Variants in XKR4 observed in about 807,000 individuals in gnomAD.
The protein encoded by XKR4 is XK related 4.
In XKR4, 12 loss-of-function variants were observed where a neutral mutation model predicts 53.9. The ratio of observed to expected loss-of-function variants is 0.22; its 90% CI spans 0.14 to 0.36. The LOEUF is 0.36. Ranked by LOEUF, XKR4 falls within the 10% of genes least tolerant of loss-of-function variation. The probability of loss-of-function intolerance (pLI) is 1.00; values close to 1 mark genes in which losing one functional copy is unlikely to be tolerated. For synonymous variants in XKR4, 354 were observed against 362.4 expected, an observed-to-expected ratio of 0.98 and a Z score of 0.26; for missense variants, 799 against 859.5, an observed-to-expected ratio of 0.93 and a Z score of 0.88.
chr8:55,368,536 C>A (rs1179931611), intron 2 of XKR4, among the ~76,000 whole-genome samples: 2 of 152,178 alleles, frequency 1.3e-5, no homozygotes, highest in Non-Finnish European at 2.9e-5. Flanking sequence ...TCATCCCTTT[C>A]CAATCAGGAT....
At chr8:55,147,021 A>G (rs1816779865) in intron 1 of XKR4, among the ~76,000 whole-genome samples, 2 of 152,248 alleles carry the variant, frequency 1.3e-5, no homozygotes. Flanking sequence ...GTTTTTGAAA[A>G]TAATTTGGGC....
At chr8:55,257,827 C>A (rs1818462175) in intron 1 of XKR4, among the ~76,000 whole-genome samples, 1 of 152,172 alleles carries the variant, frequency 6.6e-6, no homozygotes, top group Admixed American at 6.5e-5. Context: ...TTTCTATGAG[C>A]CCCTCCAACA....
intron 2 of XKR4, among the ~76,000 whole-genome samples, chr8:55,438,638 G>GA (rs1461352711): frequency 2.1e-5 from 3 of 145,914 alleles, no homozygotes; most frequent in Non-Finnish European, 4.5e-5. Context: ...AAGATGCCAA[G>GA]AAATGAGACT....
intron 2 of XKR4, among the ~76,000 whole-genome samples, chr8:55,408,170 A>G (rs1204100849): frequency 6.6e-6 from 1 of 152,192 alleles, no homozygotes; most frequent in Non-Finnish European, 1.5e-5. Flanking sequence ...GTTACAGAAG[A>G]GCCTTCAGGG....
chr8:55,200,119 T>C (rs559995073), intron 1 of XKR4, among the ~76,000 whole-genome samples: 6 of 152,266 alleles, frequency 3.9e-5, no homozygotes, highest in African/African-American at 1.4e-4. Flanking sequence ...GGCTGGAGTG[T>C]AGTGGCACAA....
chr8:55,177,951 G>A (rs1817255594), intron 1 of XKR4, among the ~76,000 whole-genome samples: 1 of 152,134 alleles, frequency 6.6e-6, no homozygotes, highest in Non-Finnish European at 1.5e-5. Context: ...GACCAGCCTT[G>A]ACTCACTTAA....
At chr8:55,515,867 C>T (rs1287541205) in intron 2 of XKR4, among the ~76,000 whole-genome samples, 1 of 152,170 alleles carries the variant, frequency 6.6e-6, no homozygotes, top group Non-Finnish European at 1.5e-5. Context: ...CTGCCATGTA[C>T]CCCGTGAGTG....
At chr8:55,156,654 GT>G (rs1006803645) in intron 1 of XKR4, among the ~76,000 whole-genome samples, 4 of 152,096 alleles carry the variant, frequency 2.6e-5, no homozygotes, top group South Asian at 2.1e-4. Context: ...GTGTGGGCTT[GT>G]TTTTTTTCCC....
chr8:55,389,826 G>A (rs1804418430), intron 2 of XKR4, among the ~76,000 whole-genome samples: 2 of 152,148 alleles, frequency 1.3e-5, no homozygotes, highest in South Asian at 2.1e-4. Flanking sequence ...CTTAGTTACT[G>A]CTATTTTCAG....
In XKR4 at chr8:55,536,414, A is replaced by G. The variant is rs1807033040; in HGVS notation, c.*12187A>G. 1 of 152,242 alleles carries G rather than the reference A, an allele frequency of 6.6e-6. No homozygotes were observed. Among genetic ancestry groups the G allele is most frequent in the African/African-American group, 2.4e-5 (1 of 41,460 alleles). 9.4% of individuals were successfully genotyped at this position (152,242 alleles called of 1,614,324 possible). On this transcript the variant is annotated 3_prime_UTR_variant, in exon 3 of 3. Transcript: ENST00000327381. ...CGTCACTAAACCAAAGTAGACAAGG[A>G]GTTATTAAAAAATAAAGACTGTCCA... is the stretch of plus-strand genomic sequence containing the variant.
chr8:55,300,312 C>A (rs28729774), intron 1 of XKR4, among the ~76,000 whole-genome samples: 1 of 151,838 alleles, frequency 6.6e-6, no homozygotes, highest in Admixed American at 6.5e-5. Flanking sequence ...ATGACAGATG[C>A]AGGAGCTGAA....
chr8:55,125,942 T>G (rs1816461830), intron 1 of XKR4, among the ~76,000 whole-genome samples: 1 of 152,230 alleles, frequency 6.6e-6, no homozygotes, highest in Non-Finnish European at 1.5e-5. Context: ...ACAGGTTGTA[T>G]GTCCTTGAAT....
At chr8:55,119,587 A>T (rs1816361514) in intron 1 of XKR4, among the ~76,000 whole-genome samples, 1 of 152,176 alleles carries the variant, frequency 6.6e-6, no homozygotes, top group African/African-American at 2.4e-5. Context: ...GTGTTGGGGA[A>T]TGCGCAGCAA....
At chr8:55,323,010 A>G (rs771978494) in intron 1 of XKR4, among the ~76,000 whole-genome samples, 4 of 152,194 alleles carry the variant, frequency 2.6e-5, no homozygotes, top group Non-Finnish European at 5.9e-5. Context: ...TTTGCCATTC[A>G]GTATGATGTT....
chr8:55,485,283 A>G (rs1806175748), intron 2 of XKR4, among the ~76,000 whole-genome samples: 1 of 152,212 alleles, frequency 6.6e-6, no homozygotes, highest in Non-Finnish European at 1.5e-5. Context: ...AAAGGAAATA[A>G]AAAGCATATA....
rs145750461 is a variant in XKR4 at position 55,419,120 on chromosome 8, C to A, written c.1006+61243C>A. Among the ~76,000 whole-genome samples the A allele has an allele frequency of 4.3e-4, 66 of 152,166 alleles. No individual in the cohort carries two copies. The East Asian group carries it at 0.011, about 25-fold the overall frequency. On this transcript the variant is annotated intron_variant, in intron 2 of 2. Coordinates refer to ENST00000327381, the MANE Select transcript of XKR4 (RefSeq NM_052898.2). ...AAGAAGAGGGCCAGGCACGGTGGCT[C>A]ACGGCTGTAATCCCAGCACTTTGGG... is the stretch of plus-strand genomic sequence containing the variant.
intron 1 of XKR4, among the ~76,000 whole-genome samples, chr8:55,104,007 G>C (rs968786296): frequency 6.6e-6 from 1 of 151,572 alleles, no homozygotes; most frequent in Admixed American, 6.6e-5. Flanking sequence ...ACAAGCCTTT[G>C]GAAAAGGGGT....
At chr8:55,457,146 C>CT (rs1554527639) in intron 2 of XKR4, among the ~76,000 whole-genome samples, 6,543 of 137,200 alleles carry the variant, frequency 0.048, 537 homozygotes, top group African/African-American at 0.16. Flanking sequence ...TTTTCCTTTT[C>CT]TTTTTTTTTT....
intron 1 of XKR4, among the ~76,000 whole-genome samples, chr8:55,173,843 A>G (rs1221837488): frequency 6.6e-6 from 1 of 152,226 alleles, no homozygotes; most frequent in Non-Finnish European, 1.5e-5. Flanking sequence ...CTCACTGTAT[A>G]TATAATCATT....
Sources: allele counts gnomAD v4.1 joint callset (sites outside exome capture counted in the v4.1 genomes callset), GRCh38; gene constraint gnomAD v4.1.1; transcripts MANE v1.5; gene names NCBI Gene and HGNC (gene_info 2026-07-23, HGNC 2026-07-21).